TCF20: variants seen among roughly 807,000 people sequenced by gnomAD.
TCF20 encodes the protein SPRE-binding protein.
Under a neutral mutation model 148.6 loss-of-function variants are expected in TCF20, and 3 were observed. The ratio of observed to expected loss-of-function variants is 0.02; its 90% CI spans 0.01 to 0.05. TCF20 has a LOEUF of 0.05. Among genes scored for constraint, TCF20 ranks in the 10% least tolerant of loss-of-function variants. The probability of loss-of-function intolerance (pLI) is 1.00; values close to 1 mark genes in which losing one functional copy is unlikely to be tolerated. For missense variants in TCF20, 2,350 were observed against 2,429.3 expected (o/e 0.97, Z 0.69); for synonymous variants, 1,049 against 909.5 (o/e 1.15, Z -2.76).
At chr22:42,283,701 G>A (rs998945086) in intron 1 of TCF20, among the ~76,000 whole-genome samples, 140 of 151,768 alleles carry the variant, frequency 9.2e-4, no homozygotes, top group African/African-American at 3.2e-3. Context: ...GCCCGGCGCG[G>A]CCCCTGCCCG....
In TCF20 at chr22:42,210,211, C is replaced by T; in HGVS notation, c.5095G>A (p.Val1699Ile). ...LQGPVVTESS[V>I]MGHLVCCLCG... Reference sequence around the variant, plus strand: ...AGACAGCAAACCAGGTGCCCCATAACCGAAGACTCTGTCACAACAGGTCCC... The same window carrying T: ...AGACAGCAAACCAGGTGCCCCATAATCGAAGACTCTGTCACAACAGGTCCC... The change falls in exon 2 of 6, where the codon GTT becomes ATT. Residue 1699 changes from valine (V) to isoleucine (I), a missense_variant. Transcript: ENST00000677622. This position sits in a 1 kb window ranked among gnomAD's most constrained non-coding sequence, Gnocchi z 4.7. 1 of 1,614,180 alleles carries T rather than the reference C, an allele frequency of 6.2e-7. No individual in the cohort carries two copies. The highest frequency in any genetic ancestry group is 1.7e-5 in the Admixed American group (1 of 60,026).
intron 1 of TCF20, among the ~76,000 whole-genome samples, chr22:42,238,448 G>A (rs563146346): frequency 1.3e-5 from 2 of 152,212 alleles, no homozygotes; most frequent in Non-Finnish European, 2.9e-5. Context: ...GTTCACTGGA[G>A]TTGTACTTTT....
chr22:42,229,157 G>A (rs1394834569), intron 1 of TCF20, among the ~76,000 whole-genome samples: 1 of 152,144 alleles, frequency 6.6e-6, no homozygotes, highest in Admixed American at 6.6e-5. Flanking sequence ...AAAGGCAGTG[G>A]GGGGGTCCCA....
At chr22:42,167,203 G>A (rs1410315305) in intron 5 of TCF20, among the ~76,000 whole-genome samples, 1 of 152,212 alleles carries the variant, frequency 6.6e-6, no homozygotes, top group Non-Finnish European at 1.5e-5. Flanking sequence ...CTCCCCGGAA[G>A]AGGAAAGAGA....
intron 1 of TCF20, among the ~76,000 whole-genome samples, chr22:42,311,055 C>T (rs540320951): frequency 6.6e-6 from 1 of 152,300 alleles, no homozygotes; most frequent in African/African-American, 2.4e-5. Context: ...GGCCCGGTGG[C>T]ATCCAGGGAT....
chr22:42,182,837 A>C (rs1158611114), intron 2 of TCF20, among the ~76,000 whole-genome samples: 5 of 152,186 alleles, frequency 3.3e-5, no homozygotes, highest in Non-Finnish European at 7.3e-5. Flanking sequence ...CCCATGTTCA[A>C]GTGATTCTCG....
intron 1 of TCF20, among the ~76,000 whole-genome samples, chr22:42,267,739 C>A (rs1926365703): frequency 6.6e-6 from 1 of 151,852 alleles, no homozygotes; most frequent in Non-Finnish European, 1.5e-5. Context: ...TGTGATAGGC[C>A]TGATGGTAAC....
chr22:42,214,251 A>C lies in TCF20; in HGVS notation c.1055T>G (p.Val352Gly). The change falls in exon 2 of 6, where the codon GTT (valine) becomes GGT (glycine). Residue 352 changes from valine to glycine, a missense_variant. Coordinates refer to ENST00000677622, the MANE Select transcript of TCF20 (RefSeq NM_001378418.1). ...AAACTGCATGGGGGACCTCACAGGAACCTCAGGCTGGTTGTACTGCCCCAC... is the reference window on the plus strand; with the variant it reads ...AAACTGCATGGGGGACCTCACAGGACCCTCAGGCTGGTTGTACTGCCCCAC... ...SQVGQYNQPE[V>G]PVRSPMQFHQ... is the part of the protein sequence containing the mutation. 6.2e-7 allele frequency: 1 copy of C among 1,614,084 alleles called. No individual in the cohort carries two copies. Among genetic ancestry groups the C allele is most frequent in the Non-Finnish European group, 8.5e-7 (1 of 1,179,994 alleles).
At chr22:42,242,363 A>G (rs1454880383) in intron 1 of TCF20, among the ~76,000 whole-genome samples, 1 of 152,054 alleles carries the variant, frequency 6.6e-6, no homozygotes, top group East Asian at 1.9e-4. Context: ...AGATATCACC[A>G]AAGAATCAAG....
intron 1 of TCF20, among the ~76,000 whole-genome samples, chr22:42,301,882 CG>C: frequency 6.6e-6 from 1 of 152,214 alleles, no homozygotes; most frequent in East Asian, 1.9e-4. Context: ...TGGACGGCCA[CG>C]GGGGCTGGTG....
intron 1 of TCF20, among the ~76,000 whole-genome samples, chr22:42,230,497 A>G (rs576605053): frequency 6.6e-6 from 1 of 152,172 alleles, no homozygotes; most frequent in African/African-American, 2.4e-5. Context: ...TAGTTAACTA[A>G]AGCTGGGTGT....
rs1432649825 is a variant in TCF20 at position 42,338,100 on chromosome 22, C to T, written c.-37+5379G>A. On this transcript the variant is annotated intron_variant, in intron 1 of 1. Coordinates refer to the TCF20 transcript ENST00000515426. The surrounding 1 kb of genome is among the most constrained non-coding windows in gnomAD (Gnocchi z 4.0). ...GGGCATGCGTCCCAGGAAGAAAACC[C>T]TCTGGGCCCAGGTCCTACTCTGTAC... 2.6e-5 allele frequency among the ~76,000 whole-genome samples: 4 copies of T among 152,234 alleles called. No individual in the cohort carries two copies. The highest frequency in any genetic ancestry group is 5.9e-5 in the Non-Finnish European group (4 of 68,040).
At chr22:42,318,782 C>A (rs1014906083) in intron 1 of TCF20, among the ~76,000 whole-genome samples, 10 of 152,352 alleles carry the variant, frequency 6.6e-5, no homozygotes, top group African/African-American at 2.4e-4. Flanking sequence ...CACAGGGATG[C>A]CATCAAGGCC....
Position 42,221,739 on chromosome 22 carries a change from G to GTTTTTTTTTTTTTT in TCF20, c.-36-6412_-36-6399dup, listed in dbSNP as rs59283483. Among the ~76,000 whole-genome samples, 614 of 92,774 alleles carry GTTTTTTTTTTTTTT rather than the reference G, an allele frequency of 6.6e-3. 94 individuals carry two copies. The highest frequency in any genetic ancestry group is 0.024 in the African/African-American group (475 of 19,690). The allele number at this position is 92,774 out of a possible 152,430, so 60.9% of individuals were successfully genotyped here. On this transcript the variant is annotated intron_variant, in intron 1 of 5. Transcript: ENST00000677622. Reference sequence around the variant, plus strand: ...GGGCTTATTAACCATATGGCAAAGGGTTTTTTTTTTTTTTTTTGAGACGGA... The same window carrying GTTTTTTTTTTTTTT: ...GGGCTTATTAACCATATGGCAAAGGGTTTTTTTTTTTTTTTTTTTTTTTTTTTTTTTGAGACGGA...
At chr22:42,237,822 G>A (rs963182060) in intron 1 of TCF20, among the ~76,000 whole-genome samples, 2 of 152,196 alleles carry the variant, frequency 1.3e-5, no homozygotes, top group Admixed American at 6.5e-5. Context: ...CTTTTGAGTA[G>A]TAGGTCTCAA....
In TCF20 at chr22:42,160,036, TTTTTTTGA is replaced by T. The variant is rs1324500500; in HGVS notation, c.*1359_*1366del. On this transcript the variant is annotated 3_prime_UTR_variant, in exon 6 of 6. Coordinates refer to ENST00000677622, the MANE Select transcript of TCF20 (RefSeq NM_001378418.1). ...AACAAGGTTAAAATGAAGTTTATTA[TTTTTTTGA>T]TTTTTTGATTTTTTTTGTTTTTTGT... 5.2e-5 allele frequency: 8 copies of T among 152,584 alleles called. No homozygotes were observed. The highest frequency in any genetic ancestry group is 2.1e-4 in the South Asian group (1 of 4,820). 9.5% of individuals were successfully genotyped at this position (152,584 alleles called of 1,614,324 possible).
rs1346238421 is a variant in TCF20, at chr22:42,214,238, G to T, written c.1068C>A (p.Ser356=). ...TGAAGTTCTGGTGAAACTGCATGGG[G>T]GACCTCACAGGAACCTCAGGCTGGT... ...QYNQPEVPVR[S]PMQFHQNFSP... Residue 356 remains serine (S), a synonymous_variant, in exon 2 of 6, where the codon TCC becomes TCA. Transcript: ENST00000677622. 1 of 1,614,188 alleles carries T rather than the reference G, an allele frequency of 6.2e-7. No individual in the cohort carries two copies. Among genetic ancestry groups the T allele is most frequent in the Admixed American group, 1.7e-5 (1 of 60,012 alleles).
At chr22:42,307,736 C>A (rs1246199704) in intron 1 of TCF20, among the ~76,000 whole-genome samples, 1 of 152,204 alleles carries the variant, frequency 6.6e-6, no homozygotes, top group Non-Finnish European at 1.5e-5. Context: ...GTGCCACTCA[C>A]ACCCCTTGGG....
chr22:42,196,478 C>T (rs1263311967), intron 2 of TCF20, among the ~76,000 whole-genome samples: 1 of 152,156 alleles, frequency 6.6e-6, no homozygotes, highest in Admixed American at 6.5e-5. Context: ...TACCTAGAAA[C>T]AAGCAAACAG....
Sources: allele counts gnomAD v4.1 joint callset (sites outside exome capture counted in the v4.1 genomes callset), GRCh38; gene constraint gnomAD v4.1.1; non-coding constraint Gnocchi (gnomAD v3.1); transcripts MANE v1.5; gene names NCBI Gene and HGNC (gene_info 2026-07-23, HGNC 2026-07-21).